Variants in KLF7 observed in about 807,000 individuals in gnomAD.
KLF7 encodes Krueppel-like factor 7.
In KLF7, 2 loss-of-function variants were observed where a neutral mutation model predicts 27.3. The ratio of observed to expected loss-of-function variants is 0.07; its 90% CI spans 0.03 to 0.23. The LOEUF is 0.23. Ranked by LOEUF, KLF7 falls within the 10% of genes least tolerant of loss-of-function variation. The pLI, the probability that KLF7 is intolerant of heterozygous loss-of-function variation, is 1.00. For missense variants in KLF7, 221 were observed against 394.1 expected (o/e 0.56, Z 3.72); for synonymous variants, 165 against 162.4 (o/e 1.02, Z -0.12).
In KLF7 at chr2:207,075,356, T is replaced by C. The variant is rs2076156203; in HGVS notation, c.*5857A>G. ...ACAAAGTAATATATTTATATATATA[T>C]ATATATAAAAAGCTTAAAAAAAATA... is the stretch of plus-strand genomic sequence containing the variant. On this transcript the variant is annotated 3_prime_UTR_variant, in exon 4 of 4. Coordinates refer to ENST00000309446, the MANE Select transcript of KLF7 (RefSeq NM_003709.4). 1 of 148,938 alleles carries C rather than the reference T, an allele frequency of 6.7e-6. No individual in the cohort carries two copies. The highest frequency in any genetic ancestry group is 6.7e-5 in the Admixed American group (1 of 14,904). 9.2% of individuals were successfully genotyped at this position (148,938 alleles called of 1,614,324 possible).
At chr2:207,132,369 T>C (rs1192803680) in intron 1 of KLF7, among the ~76,000 whole-genome samples, 2 of 152,366 alleles carry the variant, frequency 1.3e-5, no homozygotes, top group Non-Finnish European at 2.9e-5. Flanking sequence ...CTCTGGTAAT[T>C]TGTAAATTTT....
At chr2:207,118,247 A>G (rs2077241290) in intron 2 of KLF7, among the ~76,000 whole-genome samples, 1 of 152,300 alleles carries the variant, frequency 6.6e-6, no homozygotes, top group Admixed American at 6.5e-5. Flanking sequence ...TGAGACTGGC[A>G]TGTCTCTCTT....
Position 207,133,990 on chromosome 2 carries a change from AC to A in KLF7, c.103-9587del, listed in dbSNP as rs2077710194. The A allele has an allele frequency of 9.0e-6, 10 of 1,105,530 alleles. No homozygotes were observed. The East Asian group carries it at 2.7e-4, about 29-fold the overall frequency. The allele number at this position is 1,105,530 out of a possible 1,614,324, so 68.5% of individuals were successfully genotyped here. On this transcript the variant is annotated intron_variant, in intron 1 of 3. Transcript: ENST00000309446. Reference sequence around the variant, plus strand: ...CCTGTTTTACAGCCCGCTCTTATGCACCCCCACCCGCTCCTGTTAACTTTGC... The same window carrying A: ...CCTGTTTTACAGCCCGCTCTTATGCACCCCACCCGCTCCTGTTAACTTTGC...
chr2:207,092,864 G>A (rs192262663), intron 2 of KLF7, among the ~76,000 whole-genome samples: 1 of 152,294 alleles, frequency 6.6e-6, no homozygotes. Flanking sequence ...TTAAAAATGA[G>A]AATAAATTAA....
intron 2 of KLF7, among the ~76,000 whole-genome samples, chr2:207,114,052 C>T (rs548398416): frequency 1.3e-5 from 2 of 152,276 alleles, no homozygotes; most frequent in Admixed American, 1.3e-4. Flanking sequence ...CTTTTCTAAA[C>T]GCTAATATTT....
At chr2:207,173,813 A>C in the KLF7 span, 9,776 of 152,210 alleles carry the variant, frequency 0.064, 455 homozygotes, top group Admixed American at 0.12. Context: ...ATCATGATAA[A>C]GGTAAGGAAT....
intron 1 of KLF7, among the ~76,000 whole-genome samples, chr2:207,159,196 C>T (rs901192704): frequency 5.3e-5 from 8 of 152,204 alleles, no homozygotes; most frequent in Admixed American, 5.2e-4. Flanking sequence ...TACCTCTAAT[C>T]ATTTCCGAAT....
At chr2:207,152,084 T>G (rs1011157152) in intron 1 of KLF7, among the ~76,000 whole-genome samples, 37 of 152,184 alleles carry the variant, frequency 2.4e-4, no homozygotes, top group Admixed American at 1.3e-4. Context: ...CATTACTTGA[T>G]TCTCAGGAAA....
chr2:207,153,497 C>T (rs17218369), intron 1 of KLF7, among the ~76,000 whole-genome samples: 3,174 of 152,286 alleles, frequency 0.021, 51 homozygotes, highest in Non-Finnish European at 0.03. Flanking sequence ...GAGACACTTA[C>T]CATGGCTGTG....
chr2:207,161,986 C>T (rs559778085), intron 1 of KLF7, among the ~76,000 whole-genome samples: 1 of 152,244 alleles, frequency 6.6e-6, no homozygotes, highest in African/African-American at 2.4e-5. Context: ...ACATGCGATG[C>T]TCCTCAATGA....
intron 2 of KLF7, among the ~76,000 whole-genome samples, chr2:207,096,799 A>G (rs1343070889): frequency 6.6e-6 from 1 of 152,244 alleles, no homozygotes; most frequent in East Asian, 1.9e-4. Context: ...GTAGATGCTC[A>G]GATAATACAC....
chr2:207,168,008 G>A (rs1378158846), upstream of KLF7, among the ~76,000 whole-genome samples: 1 of 152,102 alleles, frequency 6.6e-6, no homozygotes, highest in African/African-American at 2.4e-5. Flanking sequence ...TTTGTTACAA[G>A]GTCTCCCCTT....
chr2:207,167,110 G>A (rs928763478), upstream of KLF7: 5 of 1,415,000 alleles, frequency 3.5e-6, no homozygotes, highest in Non-Finnish European at 4.6e-6. Flanking sequence ...CCGGCAGCTT[G>A]CGAGGGGGCC....
At chr2:207,090,181 G>C (rs563579543) in intron 2 of KLF7, among the ~76,000 whole-genome samples, 2 of 152,114 alleles carry the variant, frequency 1.3e-5, no homozygotes, top group African/African-American at 4.8e-5. Context: ...GGAACCAAGA[G>C]GACATGAAGG....
chr2:207,107,413 AC>A (rs1161843816), intron 2 of KLF7, among the ~76,000 whole-genome samples: 3 of 152,172 alleles, frequency 2.0e-5, no homozygotes, highest in Admixed American at 1.3e-4. Context: ...TACTGCTCCT[AC>A]CAATCTGATG....
At chr2:207,113,922 T>C (rs560202299) in intron 2 of KLF7, among the ~76,000 whole-genome samples, 22 of 152,298 alleles carry the variant, frequency 1.4e-4, no homozygotes, top group African/African-American at 5.3e-4. Flanking sequence ...GTAATGACAG[T>C]ATTTAGTTTC....
intron 2 of KLF7, among the ~76,000 whole-genome samples, chr2:207,111,466 C>A (rs755625180): frequency 2.0e-5 from 3 of 152,204 alleles, no homozygotes; most frequent in Non-Finnish European, 4.4e-5. Flanking sequence ...TTCTAATTCA[C>A]ACAAAAGCAT....
intron 1 of KLF7, among the ~76,000 whole-genome samples, chr2:207,132,926 T>G (rs2077677260): frequency 6.6e-6 from 1 of 152,272 alleles, no homozygotes; most frequent in Non-Finnish European, 1.5e-5. Flanking sequence ...TAACTTGGTT[T>G]AGAGTTGTTT....
At chr2:207,157,938 A>C (rs759208505) in intron 1 of KLF7, among the ~76,000 whole-genome samples, 2 of 152,202 alleles carry the variant, frequency 1.3e-5, no homozygotes, top group African/African-American at 2.4e-5. Context: ...GAAGTTGATG[A>C]GTTAGGGGTT....
Sources: allele counts gnomAD v4.1 joint callset (sites outside exome capture counted in the v4.1 genomes callset), GRCh38; gene constraint gnomAD v4.1.1; transcripts MANE v1.5; gene names NCBI Gene and HGNC (gene_info 2026-07-23, HGNC 2026-07-21).